HERC1: variants seen among roughly 807,000 people sequenced by gnomAD.
The protein encoded by HERC1 is HECT and RLD domain containing E3 ubiquitin protein ligase family member 1.
Under a neutral mutation model 554.3 loss-of-function variants are expected in HERC1, and 160 were observed. The observed-to-expected ratio is 0.29, with a 90% confidence interval of 0.25 to 0.33. The LOEUF (loss-of-function observed/expected upper bound fraction) is 0.33, where lower values mean the gene tolerates loss of function less well. Ranked by LOEUF, HERC1 falls within the 10% of genes least tolerant of loss-of-function variation. HERC1 has a pLI of 1.00. For missense variants in HERC1, 4,919 were observed against 5,918.5 expected (o/e 0.83, Z 5.54); for synonymous variants, 2,175 against 2,131.7 (o/e 1.02, Z -0.56).
In HERC1 at chr15:63,669,561, G is replaced by T; in HGVS notation, c.8183C>A (p.Ser2728Ter). 6.2e-7 allele frequency: 1 copy of T among 1,613,798 alleles called. No individual in the cohort carries two copies. Among genetic ancestry groups the T allele is most frequent in the South Asian group, 1.1e-5 (1 of 91,030 alleles). ...ACCTGTGCGGTTAGCTGGCCTTGCT[G>T]ACTGGGAATCAGGAGAAGTTAAACT... ...RQSLTSPDSQ[S>*]ARPANRTALS... Residue 2728 changes from serine to a stop codon, truncating the protein, a stop_gained, in exon 40 of 78, where the codon TCA (serine) becomes TAA (stop). Transcript: ENST00000443617. LOFTEE classifies it high-confidence loss of function.
At position 63,677,903 on chromosome 15, in the gene HERC1, C is replaced by G. The variant is rs751963196; in HGVS notation, c.7012G>C (p.Val2338Leu). ...TTGGCAGACGTGCTGCCCTCTTTGA[C>G]CACTCCCAGCAGCGTGGCATGGCGC... ...TGRHATLLGV[V>L]KEGSTSAKVQ... is the part of the protein sequence containing the mutation. The change falls in exon 37 of 78, where the codon GTC becomes CTC. Residue 2338 changes from valine to leucine, a missense_variant. Val to Leu is a conservative substitution (Grantham distance 32, BLOSUM62 1). This residue lies in a region of HERC1 where 1,963 missense variants were observed against 2,228.6 expected (regional missense o/e 0.88). Transcript: ENST00000443617. The surrounding 1 kb of genome is among the most constrained non-coding windows in gnomAD (Gnocchi z 4.4). 1.2e-6 allele frequency: 2 copies of G among 1,614,020 alleles called. No individual in the cohort carries two copies. Among genetic ancestry groups the G allele is most frequent in the Admixed American group, 3.3e-5 (2 of 60,030 alleles).
In HERC1 at chr15:63,821,726, C is replaced by CAA. The variant is rs35074987; in HGVS notation, c.-27+12099_-27+12100dup. Reference sequence around the variant, plus strand: ...TGGGAGACAGAGTGATACCCTGTCTCAAAAAAAAAAAAAAAAAAAAAAAAT... The same window carrying CAA: ...TGGGAGACAGAGTGATACCCTGTCTCAAAAAAAAAAAAAAAAAAAAAAAAAAT... On this transcript the variant is annotated intron_variant, in intron 1 of 77. Coordinates refer to ENST00000443617, the MANE Select transcript of HERC1 (RefSeq NM_003922.4). 6.3e-3 allele frequency among the ~76,000 whole-genome samples: 392 copies of CAA among 62,362 alleles called. 4 individuals carry two copies. Among genetic ancestry groups the CAA allele is most frequent in the African/African-American group, 0.017 (240 of 14,326 alleles). 40.9% of individuals were successfully genotyped at this position (62,362 alleles called of 152,430 possible). A position where few individuals can be genotyped will look rare whatever the true frequency, so the allele number is the denominator to read the frequency against.
At chr15:63,629,386 C>G (rs935335599) in intron 69 of HERC1, among the ~76,000 whole-genome samples, 1 of 152,216 alleles carries the variant, frequency 6.6e-6, no homozygotes, top group Non-Finnish European at 1.5e-5. Flanking sequence ...TTGGATTCCA[C>G]TTACGGAAAG....
chr15:63,725,545 T>C lies in HERC1; in HGVS notation c.3347-32A>G, dbSNP rs1194509543. On this transcript the variant is annotated intron_variant, in intron 17 of 77. Transcript: ENST00000443617. ...ACAAAATCATTAGTTATTGTGTCTT[T>C]ATCTGGTACTTTTAAGATTCAAAAT... 2.6e-6 allele frequency: 4 copies of C among 1,545,024 alleles called. No homozygotes were observed. In the Admixed American group the frequency reaches 6.8e-5, roughly 26 times the overall value.
In HERC1 at chr15:63,640,425, G is replaced by A. The variant is rs772090731; in HGVS notation, c.11628C>T (p.Asp3876=). ...GCATATAGGGGCTATGAACAAGTTGGTCACCACAAACCACATGAGGCTAAA... is the reference window on the plus strand; with the variant it reads ...GCATATAGGGGCTATGAACAAGTTGATCACCACAAACCACATGAGGCTAAA... ...AYEKPHVVCG[D]QLVHSPYMQC... is the part of the protein sequence containing the mutation. The change falls in exon 61 of 78, where the codon GAC becomes GAT. Residue 3876 remains aspartate, a synonymous_variant. Coordinates refer to ENST00000443617, the MANE Select transcript of HERC1 (RefSeq NM_003922.4). 6.2e-6 allele frequency: 10 copies of A among 1,613,484 alleles called. No individual in the cohort carries two copies. The East Asian group carries it at 8.9e-5, about 14-fold the overall frequency.
chr15:63,752,300 T>TA (rs1186253194), intron 8 of HERC1, among the ~76,000 whole-genome samples: 1 of 152,186 alleles, frequency 6.6e-6, no homozygotes, highest in Non-Finnish European at 1.5e-5. Context: ...CATGACAGAA[T>TA]AAGTGGCCAG....
chr15:63,620,949 T>C (rs938539121), intron 74 of HERC1, among the ~76,000 whole-genome samples: 8 of 152,324 alleles, frequency 5.3e-5, no homozygotes, highest in African/African-American at 9.6e-5. Flanking sequence ...CTTTATCCAA[T>C]TTGCCAGTCT....
At chr15:63,817,144 G>T (rs2077519519) in intron 1 of HERC1, among the ~76,000 whole-genome samples, 1 of 151,628 alleles carries the variant, frequency 6.6e-6, no homozygotes, top group Non-Finnish European at 1.5e-5. Flanking sequence ...AGAGTCTAAA[G>T]ATTTAAAATG....
intron 1 of HERC1, among the ~76,000 whole-genome samples, chr15:63,789,987 C>T (rs1442634126): frequency 6.6e-6 from 1 of 151,876 alleles, no homozygotes; most frequent in Non-Finnish European, 1.5e-5. Flanking sequence ...AAGGAAAACC[C>T]CAAAAAGTCT....
intron 34 of HERC1, among the ~76,000 whole-genome samples, chr15:63,684,629 G>C (rs2071646408): frequency 6.6e-6 from 1 of 152,160 alleles, no homozygotes; most frequent in Non-Finnish European, 1.5e-5. Flanking sequence ...CAAGACTTGG[G>C]AAAATATGGA....
chr15:63,625,859 T>C (rs1337489835), intron 71 of HERC1, 126 bp downstream of exon 71: 4 of 940,958 alleles, frequency 4.3e-6, no homozygotes, highest in Non-Finnish European at 6.7e-6. Context: ...ATAGAAGTGT[T>C]ATCTTATTAG....
chr15:63,807,661 C>T (rs945503619), intron 1 of HERC1, among the ~76,000 whole-genome samples: 2 of 152,194 alleles, frequency 1.3e-5, no homozygotes, highest in African/African-American at 4.8e-5. Context: ...GCTTAAGGTT[C>T]ACAATCAACT....
intron 76 of HERC1, among the ~76,000 whole-genome samples, chr15:63,615,345 A>G (rs1485222062): frequency 8.5e-5 from 13 of 152,238 alleles, no homozygotes; most frequent in Admixed American, 8.5e-4. Flanking sequence ...GCGGTGGCTC[A>G]CACCTGTAAT....
rs1344368128 is a variant in HERC1, at chr15:63,669,435, C to A, written c.8206+103G>T. 7.3e-6 allele frequency: 8 copies of A among 1,091,308 alleles called. No homozygotes were observed. The East Asian group carries it at 1.9e-4, about 26-fold the overall frequency. 67.6% of individuals were successfully genotyped at this position (1,091,308 alleles called of 1,614,324 possible). ...GGGCAGTTCCCCTTCATTAAAATCA[C>A]TGTTTTACCTTCTGTGAAGACAAAA... On this transcript the variant is annotated intron_variant, in intron 40 of 77. Coordinates refer to ENST00000443617, the MANE Select transcript of HERC1 (RefSeq NM_003922.4).
chr15:63,833,753 G>GCGCACACACACA (rs1340096449), intron 1 of HERC1, 74 bp downstream of exon 1: 2 of 46,456 alleles, frequency 4.3e-5, no homozygotes, highest in African/African-American at 1.1e-4. Context: ...ACGCGCGCGC[G>GCGCACACACACA]CACACACACA....
rs746436807 is a variant in HERC1, at chr15:63,686,473, C to T, written c.6111G>A (p.Pro2037=). 8 of 1,613,780 alleles carry T rather than the reference C, an allele frequency of 5.0e-6. No homozygotes were observed. Among genetic ancestry groups the T allele is most frequent in the East Asian group, 4.5e-5 (2 of 44,864 alleles). The change falls in exon 34 of 78, where the codon CCG becomes CCA. Residue 2037 remains proline (P), a synonymous_variant. Coordinates refer to ENST00000443617, the MANE Select transcript of HERC1 (RefSeq NM_003922.4). ...CCACTAGGCAACACTGAGCTTTCTC[C>T]GGGTCAAAGGATACTTCTTGGATAG... The part of the protein sequence containing the change: ...NLPIQEVSFD[P]EKAQCCLVEN...
chr15:63,759,664 T>A (rs1219487204), intron 3 of HERC1, among the ~76,000 whole-genome samples: 1 of 152,250 alleles, frequency 6.6e-6, no homozygotes, highest in Non-Finnish European at 1.5e-5. Flanking sequence ...TTGACTTGTA[T>A]GAACTCAATA....
At chr15:63,802,417 G>A (rs532564445) in intron 1 of HERC1, among the ~76,000 whole-genome samples, 8 of 152,298 alleles carry the variant, frequency 5.3e-5, no homozygotes, top group South Asian at 2.1e-4. Context: ...GGAAACAGAC[G>A]TGCCTATTCG....
In HERC1 at chr15:63,635,966, C is replaced by T; in HGVS notation, c.12409G>A (p.Val4137Met). 1 of 1,613,904 alleles carries T rather than the reference C, an allele frequency of 6.2e-7. No individual in the cohort carries two copies. The change falls in exon 65 of 78, where the codon GTG becomes ATG. Residue 4137 changes from valine to methionine, a missense_variant. Val to Met is a conservative substitution (Grantham distance 21, BLOSUM62 1). Around this residue, in one of 11 missense-constraint regions of HERC1, gnomAD observed 122 missense variants for 195.2 expected, o/e 0.63. Transcript: ENST00000443617. ...QIEALQGEEV[V>M]QMSCGFKHSA... ...TTATCCATTTCCTGCCTGACCTGCA[C>T]CACTTCTTCTCCTTGTAAGGCCTCG...
Sources: gnomAD v4.1 joint callset for allele counts (sites outside exome capture counted in the v4.1 genomes callset) on GRCh38, gnomAD v4.1.1 for gene constraint, gnomAD v4.1.1 regional missense constraint, Gnocchi (gnomAD v3.1) non-coding constraint, MANE v1.5 for transcripts, NCBI Gene and HGNC (gene_info 2026-07-23, HGNC 2026-07-21) for gene names.